Variants in ST6GALNAC5 observed in about 807,000 individuals in gnomAD.
The protein encoded by ST6GALNAC5 is alpha-N-acetylgalactosaminide alpha-2,6-sialyltransferase 5.
A neutral mutation model predicts 33.6 loss-of-function variants in ST6GALNAC5; 27 were observed. That is an observed-to-expected ratio of 0.80 (90% CI 0.59 to 1.11). ST6GALNAC5 has a LOEUF of 1.11. Among genes scored for constraint, ST6GALNAC5 ranks in the 50% least tolerant of loss-of-function variants. The probability of loss-of-function intolerance (pLI) is 0.00; values close to 1 mark genes in which losing one functional copy is unlikely to be tolerated. For missense variants in ST6GALNAC5, 428 were observed against 454.0 expected, an observed-to-expected ratio of 0.94 and a Z score of 0.52; for synonymous variants, 194 against 171.2, an observed-to-expected ratio of 1.13 and a Z score of -1.04.
chr1:77,000,641 C>A (rs894285656), intron 2 of ST6GALNAC5, among the ~76,000 whole-genome samples: 2 of 150,802 alleles, frequency 1.3e-5, no homozygotes, highest in African/African-American at 4.9e-5. Context: ...CGTTTAAGTC[C>A]TTAATCCATC....
At position 76,969,000 on chromosome 1, in the gene ST6GALNAC5, G is replaced by A. The variant is rs551328492; in HGVS notation, c.262-75204G>A. ...GTGCGTTACCCAACTTTTCTCTCTG[G>A]TTGCCCTTAACTTTTTTCCCTTCAT... On this transcript the variant is annotated intron_variant, in intron 2 of 4. Transcript: ENST00000477717. Among the ~76,000 whole-genome samples the A allele has an allele frequency of 3.9e-5, 6 of 152,172 alleles. No individual in the cohort carries two copies. The South Asian group carries it at 1.2e-3, about 32-fold the overall frequency.
intron 4 of ST6GALNAC5, among the ~76,000 whole-genome samples, chr1:77,061,877 A>G (rs1652587861): frequency 6.6e-6 from 1 of 152,156 alleles, no homozygotes; most frequent in South Asian, 2.1e-4. Context: ...AGGCAGAAAA[A>G]CACTCGGAGA....
intron 2 of ST6GALNAC5, among the ~76,000 whole-genome samples, chr1:76,869,821 T>C (rs933424260): frequency 1.3e-5 from 2 of 152,176 alleles, no homozygotes; most frequent in African/African-American, 4.8e-5. Flanking sequence ...GTCTTACGGA[T>C]CTTTAAATAC....
intron 2 of ST6GALNAC5, among the ~76,000 whole-genome samples, chr1:76,992,693 A>G (rs751401592): frequency 7.9e-5 from 12 of 151,992 alleles, no homozygotes; most frequent in Non-Finnish European, 1.6e-4. Context: ...ATGAATTTTC[A>G]CCATGTTGCC....
At chr1:76,959,624 GT>G (rs1457503070) in intron 2 of ST6GALNAC5, among the ~76,000 whole-genome samples, 7 of 152,194 alleles carry the variant, frequency 4.6e-5, no homozygotes, top group Non-Finnish European at 1.0e-4. Flanking sequence ...TCTTAAGAAA[GT>G]TGAGTGTTGG....
At chr1:76,995,881 C>A (rs1053494520) in intron 2 of ST6GALNAC5, among the ~76,000 whole-genome samples, 30 of 152,194 alleles carry the variant, frequency 2.0e-4, no homozygotes, top group Admixed American at 1.6e-3. Context: ...CCATTTCATT[C>A]CCACGACTAG....
intron 2 of ST6GALNAC5, among the ~76,000 whole-genome samples, chr1:77,041,674 A>AG (rs770504964): frequency 2.0e-5 from 3 of 152,124 alleles, no homozygotes; most frequent in Non-Finnish European, 4.4e-5. Flanking sequence ...TAGTTTTCTG[A>AG]GGGGAATAGG....
intron 2 of ST6GALNAC5, among the ~76,000 whole-genome samples, chr1:76,959,938 C>A (rs1172388898): frequency 6.6e-6 from 1 of 152,122 alleles, no homozygotes; most frequent in Non-Finnish European, 1.5e-5. Flanking sequence ...GTGTATTTTC[C>A]TTTGGAGACG....
intron 2 of ST6GALNAC5, among the ~76,000 whole-genome samples, chr1:76,913,593 T>C (rs562218835): frequency 2.3e-4 from 35 of 152,280 alleles, no homozygotes; most frequent in South Asian, 2.1e-3. Context: ...CATAGTCTCA[T>C]GTTTCTTGGA....
At chr1:76,988,064 TA>T (rs758422596) in intron 2 of ST6GALNAC5, among the ~76,000 whole-genome samples, 2 of 152,078 alleles carry the variant, frequency 1.3e-5, no homozygotes, top group African/African-American at 2.4e-5. Flanking sequence ...CCTTTTTCAT[TA>T]AAAAAATTTT....
intron 2 of ST6GALNAC5, among the ~76,000 whole-genome samples, chr1:76,940,791 C>G (rs1457827916): frequency 2.0e-5 from 3 of 152,092 alleles, no homozygotes; most frequent in Admixed American, 2.0e-4. Flanking sequence ...TCATGGCAAG[C>G]TGAATTAGAA....
rs144106939 is a variant in ST6GALNAC5 at position 77,023,856 on chromosome 1, G to A, written c.262-20348G>A. ...AACAGTTTCTCAAAGGGGCCGGATG[G>A]GGGTAGTCATTGGGGTGCCATGAGC... On this transcript the variant is annotated intron_variant, in intron 2 of 4. Transcript: ENST00000477717. Among the ~76,000 whole-genome samples the A allele has an allele frequency of 1.1e-3, 165 of 152,284 alleles. 2 individuals carry two copies. The highest frequency in any genetic ancestry group is 3.8e-3 in the African/African-American group (157 of 41,538).
intron 2 of ST6GALNAC5, among the ~76,000 whole-genome samples, chr1:76,911,994 C>T (rs961566998): frequency 6.6e-6 from 1 of 152,064 alleles, no homozygotes. Context: ...CCTTGCTTTT[C>T]TAGTTCTTAT....
intron 2 of ST6GALNAC5, among the ~76,000 whole-genome samples, chr1:76,979,435 G>T (rs963459850): frequency 6.6e-6 from 1 of 152,046 alleles, no homozygotes; most frequent in East Asian, 1.9e-4. Flanking sequence ...CAGACATATA[G>T]AATAATGAAA....
chr1:77,017,841 T>A (rs947701018), intron 2 of ST6GALNAC5, among the ~76,000 whole-genome samples: 1 of 152,172 alleles, frequency 6.6e-6, no homozygotes, highest in South Asian at 2.1e-4. Context: ...AGAGATAATA[T>A]GTAAAGAGAC....
intron 2 of ST6GALNAC5, among the ~76,000 whole-genome samples, chr1:76,878,070 G>A (rs1340505153): frequency 1.1e-4 from 16 of 152,162 alleles, no homozygotes; most frequent in African/African-American, 3.4e-4. Context: ...CTGTCCAGGC[G>A]AAATGGGAGA....
chr1:77,001,148 T>C (rs919669436), intron 2 of ST6GALNAC5, among the ~76,000 whole-genome samples: 2 of 149,916 alleles, frequency 1.3e-5, no homozygotes, highest in African/African-American at 2.5e-5. Flanking sequence ...TCCATTTGTT[T>C]GTATCCTCTT....
intron 2 of ST6GALNAC5, among the ~76,000 whole-genome samples, chr1:76,938,755 C>T (rs1647256404): frequency 6.6e-6 from 1 of 152,110 alleles, no homozygotes; most frequent in Admixed American, 6.6e-5. Flanking sequence ...CCTGGAACAA[C>T]TAGGAATTTT....
rs766330506 is a variant in ST6GALNAC5, at chr1:76,868,810, T to C, written c.261+68T>C. On this transcript the variant is annotated intron_variant, in intron 2 of 4. Coordinates refer to ENST00000477717, the MANE Select transcript of ST6GALNAC5 (RefSeq NM_030965.3). The surrounding 1 kb of genome is among the most constrained non-coding windows in gnomAD (Gnocchi z 4.3). Reference sequence around the variant, plus strand: ...ATCCCGCACACCTGAGCCTTCCCCCTTTCCCGGGGCTGGGAGGCGCTGTGA... The same window carrying C: ...ATCCCGCACACCTGAGCCTTCCCCCCTTCCCGGGGCTGGGAGGCGCTGTGA... The C allele has an allele frequency of 7.8e-4, 1,120 of 1,430,902 alleles. 3 individuals carry two copies. The highest frequency in any genetic ancestry group is 2.1e-3 in the African/African-American group (144 of 68,338). The allele number at this position is 1,430,902 out of a possible 1,614,324, so 88.6% of individuals were successfully genotyped here.
Sources: allele counts gnomAD v4.1 joint callset (sites outside exome capture counted in the v4.1 genomes callset), GRCh38; gene constraint gnomAD v4.1.1; non-coding constraint Gnocchi (gnomAD v3.1); transcripts MANE v1.5; gene names NCBI Gene and HGNC (gene_info 2026-07-23, HGNC 2026-07-21).